USP34: variants seen among roughly 807,000 people sequenced by gnomAD.
USP34 encodes ubiquitin carboxyl-terminal hydrolase 34.
Under a neutral mutation model 460.3 loss-of-function variants are expected in USP34, and 70 were observed. That is an observed-to-expected ratio of 0.15 (90% CI 0.13 to 0.19). The LOEUF (loss-of-function observed/expected upper bound fraction) is 0.19. Among genes scored for constraint, USP34 ranks in the 10% least tolerant of loss-of-function variants. USP34 has a pLI of 1.00. For missense variants in USP34, 3,985 were observed against 4,236.2 expected (o/e 0.94, Z 1.65); for synonymous variants, 1,647 against 1,405.3 (o/e 1.17, Z -3.85).
chr2:61,394,184 C>T (rs1693443730), intron 5 of USP34, among the ~76,000 whole-genome samples: 1 of 152,102 alleles, frequency 6.6e-6, no homozygotes, highest in Admixed American at 6.6e-5. Context: ...AACTGATACT[C>T]ACAGGATACA....
chr2:61,267,775 G>C (rs1017891052), intron 41 of USP34, among the ~76,000 whole-genome samples: 59 of 151,972 alleles, frequency 3.9e-4, no homozygotes, highest in African/African-American at 1.4e-3. Flanking sequence ...CACAACACCC[G>C]GTCTTAATTT....
intron 16 of USP34, among the ~76,000 whole-genome samples, chr2:61,343,025 A>G (rs1020573476): frequency 2.0e-5 from 3 of 152,152 alleles, no homozygotes; most frequent in African/African-American, 4.8e-5. Context: ...ACACATACAA[A>G]TCAGTAAATT....
intron 5 of USP34, among the ~76,000 whole-genome samples, chr2:61,394,490 G>GTTT (rs915914501): frequency 9.7e-4 from 142 of 145,716 alleles, no homozygotes; most frequent in African/African-American, 3.5e-3. Flanking sequence ...GAGCCCAGGA[G>GTTT]GTAGAAGCTA....
At chr2:61,271,248 G>A (rs1558502352) in intron 41 of USP34, among the ~76,000 whole-genome samples, 2 of 152,120 alleles carry the variant, frequency 1.3e-5, no homozygotes, top group Non-Finnish European at 2.9e-5. Context: ...AGGTTGCAGT[G>A]GACCGAGATC....
Position 61,227,130 on chromosome 2 carries a change from G to A in USP34, c.7532C>T (p.Pro2511Leu), listed in dbSNP as rs752390671. 3 of 1,613,948 alleles carry A rather than the reference G, an allele frequency of 1.9e-6. No individual in the cohort carries two copies. Residue 2511 changes from proline to leucine, a missense_variant, in exon 62 of 80, where the codon CCA becomes CTA. This residue lies in a region of USP34 where 604 missense variants were observed against 684.8 expected (regional missense o/e 0.88). Transcript: ENST00000398571. Reference sequence around the variant, plus strand: ...AGCTATCATCTTTTCAAGGGCAGCTGGCCTGTATTTTTCTTCTGCCAGAGA... The same window carrying A: ...AGCTATCATCTTTTCAAGGGCAGCTAGCCTGTATTTTTCTTCTGCCAGAGA... ...ILSLAEEKYR[P>L]AALEKMIALV...
rs771118602 is a variant in USP34, at chr2:61,278,431, C to T, written c.5269G>A (p.Asp1757Asn). ...AAATGTCTTGCCAAGGCATCTAAGT[C>T]GAGGAGCGTTGTCTTAATACAAAAA... is the stretch of plus-strand genomic sequence containing the variant. ...IKDASQTTLLDLDALARHLAD... is the reference protein window; with the variant it reads ...IKDASQTTLLNLDALARHLAD... Residue 1757 changes from aspartate (D) to asparagine (N), a missense_variant, in exon 40 of 80, where the codon GAC (aspartate) becomes AAC (asparagine). Coordinates refer to ENST00000398571, the MANE Select transcript of USP34 (RefSeq NM_014709.4). 8 of 1,586,384 alleles carry T rather than the reference C, an allele frequency of 5.0e-6. No homozygotes were observed. Among genetic ancestry groups the T allele is most frequent in the East Asian group, 2.2e-5 (1 of 44,526 alleles).
intron 32 of USP34, 64 bp from the exon 33 acceptor site, chr2:61,293,614 G>T: frequency 1.6e-6 from 2 of 1,218,622 alleles, no homozygotes; most frequent in Non-Finnish European, 2.4e-6. Context: ...AATGCTTGTT[G>T]ATTCAGTAAC....
chr2:61,257,673 C>T (rs976557336), intron 44 of USP34, among the ~76,000 whole-genome samples: 1 of 151,660 alleles, frequency 6.6e-6, no homozygotes, highest in Non-Finnish European at 1.5e-5. Context: ...CCGAAGCAGG[C>T]GGATTATGAG....
chr2:61,223,556 G>A, intron 62 of USP34: 1 of 373,758 alleles, frequency 2.7e-6, no homozygotes, highest in Admixed American at 4.4e-5. Context: ...ACAGTAGGAT[G>A]GGTCTTATTT....
rs1352374339 is a variant in USP34 at position 61,422,972 on chromosome 2, A to C, written c.44-2139T>G. 2.0e-5 allele frequency among the ~76,000 whole-genome samples: 3 copies of C among 152,338 alleles called. No individual in the cohort carries two copies. In the South Asian group the frequency reaches 6.2e-4, roughly 32 times the overall value. ...CCGAAAAAAATCAGTGGCTTCCATT[A>C]AACTGCAGTTTGCATTTCAGCATTC... On this transcript the variant is annotated intron_variant, in intron 1 of 79. Transcript: ENST00000398571.
At chr2:61,328,140 T>TA (rs1356058492) in intron 20 of USP34, among the ~76,000 whole-genome samples, 1 of 151,754 alleles carries the variant, frequency 6.6e-6, no homozygotes. Flanking sequence ...TTGTCTCTAC[T>TA]AAAAAGCGAA....
At chr2:61,228,760 A>G (rs989496918) in intron 60 of USP34, 41 bp from the exon 61 acceptor site, 5 of 1,596,974 alleles carry the variant, frequency 3.1e-6, no homozygotes, top group African/African-American at 1.4e-5. Context: ...TATAAAATAA[A>G]AGCAATTAAG....
intron 5 of USP34, among the ~76,000 whole-genome samples, chr2:61,386,455 T>C (rs991810151): frequency 1.3e-5 from 2 of 152,130 alleles, no homozygotes; most frequent in African/African-American, 4.8e-5. Context: ...CAATAATACT[T>C]GTTTCCTGAT....
intron 8 of USP34, 57 bp from the exon 9 acceptor site, chr2:61,370,636 C>G: frequency 6.6e-7 from 1 of 1,518,030 alleles, no homozygotes; most frequent in Non-Finnish European, 9.0e-7. Context: ...TTTCTCATGT[C>G]TAAAAGGTAG....
intron 51 of USP34, among the ~76,000 whole-genome samples, chr2:61,244,528 T>C (rs1187317859): frequency 6.6e-6 from 1 of 150,394 alleles, no homozygotes. Flanking sequence ...GACTCGAGAA[T>C]AGCTGGAACC....
chr2:61,322,593 T>C (rs537409782), intron 21 of USP34, among the ~76,000 whole-genome samples: 1 of 152,320 alleles, frequency 6.6e-6, no homozygotes, highest in Non-Finnish European at 1.5e-5. Context: ...CATGATGGTA[T>C]GGTACCATCA....
At chr2:61,299,768 TAATAA>T (rs1371819234) in intron 29 of USP34, among the ~76,000 whole-genome samples, 1 of 152,038 alleles carries the variant, frequency 6.6e-6, no homozygotes, top group Non-Finnish European at 1.5e-5. Flanking sequence ...ATAAAAATAA[TAATAA>T]AATAAATGGC....
At chr2:61,402,356 AC>A (rs1317361242) in intron 3 of USP34, among the ~76,000 whole-genome samples, 1 of 152,124 alleles carries the variant, frequency 6.6e-6, no homozygotes, top group Non-Finnish European at 1.5e-5. Flanking sequence ...CAATTACCGA[AC>A]CTTTTAAAAT....
chr2:61,232,868 C>CA (rs1402367950), intron 57 of USP34, among the ~76,000 whole-genome samples: 13 of 120,338 alleles, frequency 1.1e-4, no homozygotes, highest in Non-Finnish European at 1.9e-4. Context: ...ATTCCCCCCC[C>CA]CCTTTTTTTT....
Sources: gnomAD v4.1 joint callset for allele counts (sites outside exome capture counted in the v4.1 genomes callset) on GRCh38, gnomAD v4.1.1 for gene constraint, gnomAD v4.1.1 regional missense constraint, MANE v1.5 for transcripts, NCBI Gene and HGNC (gene_info 2026-07-23, HGNC 2026-07-21) for gene names.